Variants in EIF4ENIF1 observed in about 807,000 individuals in gnomAD.
EIF4ENIF1 encodes the protein eukaryotic translation initiation factor 4E nuclear import factor 1.
Under a neutral mutation model 110.5 loss-of-function variants are expected in EIF4ENIF1, and 23 were observed. The observed-to-expected ratio is 0.21, with a 90% confidence interval of 0.15 to 0.29. The LOEUF (loss-of-function observed/expected upper bound fraction) is 0.29, where lower values mean the gene tolerates loss of function less well. EIF4ENIF1 is among the 10% of genes least tolerant of loss of function. The probability of loss-of-function intolerance (pLI) is 1.00; values close to 1 mark genes in which losing one functional copy is unlikely to be tolerated. For synonymous variants in EIF4ENIF1, 440 were observed against 437.0 expected, an observed-to-expected ratio of 1.01 and a Z score of -0.09; for missense variants, 1,031 against 1,221.1, an observed-to-expected ratio of 0.84 and a Z score of 2.32.
At chr22:31,491,136 GTT>G (rs1399088859), upstream of EIF4ENIF1, among the ~76,000 whole-genome samples, 1 of 152,136 alleles carries the variant, frequency 6.6e-6, no homozygotes, top group Non-Finnish European at 1.5e-5. Flanking sequence ...TTGATTCTTA[GTT>G]TTACCTGTGA....
At chr22:31,440,669 C>T (rs377443410) in intron 18 of EIF4ENIF1, 35 bp downstream of exon 18, 57 of 1,599,152 alleles carry the variant, frequency 3.6e-5, no homozygotes, top group Middle Eastern at 1.8e-4. Flanking sequence ...TCCCTAAGTC[C>T]GTCCCAAACT....
intron 6 of EIF4ENIF1, among the ~76,000 whole-genome samples, 177 bp downstream of exon 6, chr22:31,462,755 T>A (rs1186684724): frequency 2.6e-5 from 4 of 152,086 alleles, no homozygotes; most frequent in Non-Finnish European, 5.9e-5. Flanking sequence ...CACTAATTTT[T>A]GAATTTTTGT....
At chr22:31,446,761 G>C (rs1010987475) in intron 14 of EIF4ENIF1, among the ~76,000 whole-genome samples, 4 of 152,144 alleles carry the variant, frequency 2.6e-5, no homozygotes, top group African/African-American at 9.7e-5. Flanking sequence ...CTTATAATAA[G>C]CTACACATTT....
At chr22:31,443,818 T>TC (rs1339458813) in intron 15 of EIF4ENIF1, among the ~76,000 whole-genome samples, 1 of 151,208 alleles carries the variant, frequency 6.6e-6, no homozygotes, top group Non-Finnish European at 1.5e-5. Context: ...TTTTTTTTTT[T>TC]TTTTTTGAGA....
intron 2 of EIF4ENIF1, chr22:31,479,600 T>C: frequency 6.6e-6 from 1 of 151,834 alleles, no homozygotes; most frequent in East Asian, 1.9e-4. Context: ...AAAGACAGAA[T>C]ACTTGGGAAG....
rs182119837 is a variant in EIF4ENIF1, at chr22:31,455,844, C to A, written c.1099+8G>T. ...TACCTTCAAGGGCAGAATCTGAAGC[C>A]ATTTTACCTGCAAGTCTCTCTAGCT... On this transcript the variant is annotated splice_region_variant and intron_variant, in intron 8 of 18. Coordinates refer to ENST00000330125, the MANE Select transcript of EIF4ENIF1 (RefSeq NM_019843.4). 3.7e-6 allele frequency: 6 copies of A among 1,613,416 alleles called. No individual in the cohort carries two copies. The East Asian group carries it at 6.7e-5, about 18-fold the overall frequency.
chr22:31,480,297 G>A (rs939380614), intron 2 of EIF4ENIF1, among the ~76,000 whole-genome samples: 2 of 152,228 alleles, frequency 1.3e-5, no homozygotes, highest in Non-Finnish European at 2.9e-5. Context: ...CACTATTAAA[G>A]TGGAAAGCAA....
chr22:31,470,164 C>CAA lies in EIF4ENIF1; in HGVS notation c.170+1678_170+1679dup, dbSNP rs61046632. On this transcript the variant is annotated intron_variant, in intron 3 of 18. Coordinates refer to ENST00000330125, the MANE Select transcript of EIF4ENIF1 (RefSeq NM_019843.4). Reference sequence around the variant, plus strand: ...AGGCAACAAGAGCGAAACTCCACCTCAAAAAAAAAAAAAAAAAAAAGAAAA... The same window carrying CAA: ...AGGCAACAAGAGCGAAACTCCACCTCAAAAAAAAAAAAAAAAAAAAAAGAAAA... Among the ~76,000 whole-genome samples, 47 of 98,378 alleles carry CAA rather than the reference C, an allele frequency of 4.8e-4. 1 individual carries two copies. Among genetic ancestry groups the CAA allele is most frequent in the Non-Finnish European group, 6.3e-4 (32 of 51,036 alleles). The allele number at this position is 98,378 out of a possible 152,430, so 64.5% of individuals were successfully genotyped here. A position where few individuals can be genotyped will look rare whatever the true frequency, so the allele number is the denominator to read the frequency against.
chr22:31,486,737 A>G (rs962911439), intron 2 of EIF4ENIF1, among the ~76,000 whole-genome samples: 1 of 151,876 alleles, frequency 6.6e-6, no homozygotes, highest in African/African-American at 2.4e-5. Context: ...AGATCGCACC[A>G]TTGCACTCTG....
chr22:31,456,792 T>TG (rs2050845840), intron 7 of EIF4ENIF1, among the ~76,000 whole-genome samples: 1 of 152,224 alleles, frequency 6.6e-6, no homozygotes, highest in Non-Finnish European at 1.5e-5. Flanking sequence ...AGTGCTGGGA[T>TG]TACAGGCATG....
At position 31,442,984 on chromosome 22, in the gene EIF4ENIF1, C is replaced by CTCTTT; in HGVS notation, c.2179_2183dup (p.Asp729LysfsTer133). The CTCTTT allele has an allele frequency of 6.2e-7, 1 of 1,614,090 alleles. No homozygotes were observed. Among genetic ancestry groups the CTCTTT allele is most frequent in the Non-Finnish European group, 8.5e-7 (1 of 1,179,954 alleles). On this transcript the variant is annotated frameshift_variant, in exon 16 of 19. Transcript: ENST00000330125. LOFTEE classifies it high-confidence loss of function. ...TACCTTCACTGGCCTTCTGAGTATC[C>CTCTTT]TCTTTACTGTCACCAAGAGCTGCTT...
chr22:31,491,837 C>T (rs1030816603), upstream of EIF4ENIF1, among the ~76,000 whole-genome samples: 1 of 152,196 alleles, frequency 6.6e-6, no homozygotes, highest in Non-Finnish European at 1.5e-5. Flanking sequence ...GCCACCACAC[C>T]TGAGCTTTCT....
At chr22:31,477,332 G>A (rs556107699) in intron 2 of EIF4ENIF1, among the ~76,000 whole-genome samples, 13 of 123,760 alleles carry the variant, frequency 1.1e-4, no homozygotes, top group Non-Finnish European at 1.4e-4. Context: ...CTCCAGCCTC[G>A]GCAACAGAAC....
chr22:31,480,378 T>C (rs1319177124), intron 2 of EIF4ENIF1, among the ~76,000 whole-genome samples: 3 of 152,240 alleles, frequency 2.0e-5, no homozygotes, highest in African/African-American at 7.2e-5. Context: ...AGAAATCCTA[T>C]GCAGAAACAA....
intron 6 of EIF4ENIF1, among the ~76,000 whole-genome samples, chr22:31,461,492 T>G (rs1488517122): frequency 1.3e-5 from 2 of 152,066 alleles, no homozygotes; most frequent in Admixed American, 6.5e-5. Flanking sequence ...CAGGCTGGAG[T>G]GCAGTAGCAC....
At chr22:31,481,637 T>C (rs1601650843) in intron 2 of EIF4ENIF1, among the ~76,000 whole-genome samples, 1 of 152,300 alleles carries the variant, frequency 6.6e-6, no homozygotes, top group East Asian at 1.9e-4. Context: ...GTTACTCTTT[T>C]CTCTGGGGAT....
chr22:31,477,461 T>C (rs147029611), intron 2 of EIF4ENIF1, among the ~76,000 whole-genome samples: 18 of 152,228 alleles, frequency 1.2e-4, no homozygotes, highest in African/African-American at 4.3e-4. Context: ...CTTAGAGTTA[T>C]TGCTCTAATC....
chr22:31,482,407 T>G (rs1409808386), intron 2 of EIF4ENIF1, among the ~76,000 whole-genome samples: 1 of 152,074 alleles, frequency 6.6e-6, no homozygotes, highest in Non-Finnish European at 1.5e-5. Flanking sequence ...TTTGGCCGGG[T>G]GCGGTAGCTC....
rs934811019 is a variant in EIF4ENIF1, at chr22:31,439,815, A to G, written c.*65T>C. 4.4e-6 allele frequency: 7 copies of G among 1,581,380 alleles called. No homozygotes were observed. The highest frequency in any genetic ancestry group is 3.4e-6 in the Non-Finnish European group (4 of 1,171,324). ...GTAAAAGCCCATAAACCAACCCGAG[A>G]TGAAGCAGGGTCCTGCCCAGTGTGC... On this transcript the variant is annotated 3_prime_UTR_variant, in exon 19 of 19. Coordinates refer to ENST00000330125, the MANE Select transcript of EIF4ENIF1 (RefSeq NM_019843.4).
Sources: allele counts gnomAD v4.1 joint callset (sites outside exome capture counted in the v4.1 genomes callset), GRCh38; gene constraint gnomAD v4.1.1; transcripts MANE v1.5; gene names NCBI Gene and HGNC (gene_info 2026-07-23, HGNC 2026-07-21).